The following CACNA2D3 variants were observed in gnomAD, a reference collection of about 807,000 sequenced individuals.
The protein encoded by CACNA2D3 is voltage-dependent calcium channel subunit alpha-2/delta-3.
Under a neutral mutation model 160.6 loss-of-function variants are expected in CACNA2D3, and 60 were observed. That is an observed-to-expected ratio of 0.37 (90% CI 0.30 to 0.46). The LOEUF (loss-of-function observed/expected upper bound fraction) is 0.46, where lower values mean the gene tolerates loss of function less well. Among genes scored for constraint, CACNA2D3 ranks in the 20% least tolerant of loss-of-function variants. The pLI is 1.00. For missense variants in CACNA2D3, 1,205 were observed against 1,365.0 expected (o/e 0.88, Z 1.85); for synonymous variants, 558 against 492.9 (o/e 1.13, Z -1.75).
At chr3:54,141,216 A>G (rs1244843497) in intron 2 of CACNA2D3, among the ~76,000 whole-genome samples, 1 of 151,834 alleles carries the variant, frequency 6.6e-6, no homozygotes, top group Admixed American at 6.6e-5. Flanking sequence ...ATTTGGGGGA[A>G]AAAATTCCCT....
intron 2 of CACNA2D3, among the ~76,000 whole-genome samples, chr3:54,194,703 G>T (rs747153272): frequency 6.6e-6 from 1 of 152,220 alleles, no homozygotes; most frequent in Non-Finnish European, 1.5e-5. Context: ...GTGAAGATGC[G>T]TTCCTCATAG....
chr3:54,127,102 G>A (rs2107246569), intron 2 of CACNA2D3, among the ~76,000 whole-genome samples: 1 of 152,280 alleles, frequency 6.6e-6, no homozygotes, highest in Non-Finnish European at 1.5e-5. Context: ...TAGGAGCTGG[G>A]TTTTTCATTC....
chr3:54,984,316 A>AT (rs908530511), intron 29 of CACNA2D3, among the ~76,000 whole-genome samples: 2 of 150,898 alleles, frequency 1.3e-5, no homozygotes, highest in Non-Finnish European at 2.9e-5. Flanking sequence ...AAAAAAAAAA[A>AT]GGAAGACAAA....
chr3:54,905,322 T>G (rs1018508836), intron 27 of CACNA2D3, among the ~76,000 whole-genome samples: 1 of 152,206 alleles, frequency 6.6e-6, no homozygotes, highest in African/African-American at 2.4e-5. Flanking sequence ...TTAACATCAG[T>G]GATCATTAAC....
intron 11 of CACNA2D3, among the ~76,000 whole-genome samples, chr3:54,722,787 T>G (rs1701193718): frequency 6.6e-6 from 1 of 152,162 alleles, no homozygotes; most frequent in East Asian, 1.9e-4. Context: ...GAGGGGCACC[T>G]GCCAGATGCC....
intron 11 of CACNA2D3, among the ~76,000 whole-genome samples, chr3:54,709,318 A>G (rs949325322): frequency 4.6e-5 from 7 of 150,918 alleles, no homozygotes; most frequent in Non-Finnish European, 8.8e-5. Flanking sequence ...CCCAGCCTTC[A>G]TTTTTAAACT....
intron 27 of CACNA2D3, among the ~76,000 whole-genome samples, chr3:54,932,295 A>G (rs564768413): frequency 6.6e-6 from 1 of 152,374 alleles, no homozygotes; most frequent in East Asian, 1.9e-4. Flanking sequence ...AGCATATTGT[A>G]TAATCCCATT....
intron 11 of CACNA2D3, among the ~76,000 whole-genome samples, chr3:54,729,577 A>T (rs1701345418): frequency 6.6e-6 from 1 of 152,244 alleles, no homozygotes; most frequent in African/African-American, 2.4e-5. Flanking sequence ...GAACTAGCAC[A>T]GAAATGCCAG....
intron 5 of CACNA2D3, among the ~76,000 whole-genome samples, chr3:54,548,647 T>TC (rs1326131898): frequency 2.6e-5 from 4 of 152,058 alleles, no homozygotes; most frequent in Non-Finnish European, 4.4e-5. Flanking sequence ...AAACCAAGGC[T>TC]CCCCAGCGTT....
chr3:54,487,242 C>G (rs1008721064), intron 4 of CACNA2D3, among the ~76,000 whole-genome samples: 4 of 152,052 alleles, frequency 2.6e-5, no homozygotes, highest in Non-Finnish European at 4.4e-5. Context: ...GTGGCATGCA[C>G]CTGTAGTCCC....
At chr3:54,290,933 G>A (rs1383824614) in intron 2 of CACNA2D3, among the ~76,000 whole-genome samples, 1 of 152,200 alleles carries the variant, frequency 6.6e-6, no homozygotes, top group African/African-American at 2.4e-5. Flanking sequence ...GTGAGGGATA[G>A]CATTAGGAGA....
At chr3:54,926,806 A>G (rs1701035466) in intron 27 of CACNA2D3, among the ~76,000 whole-genome samples, 1 of 152,106 alleles carries the variant, frequency 6.6e-6, no homozygotes, top group African/African-American at 2.4e-5. Flanking sequence ...GATGCTGTAA[A>G]ACAGCATCCT....
intron 18 of CACNA2D3, 197 bp from the exon 19 acceptor site, chr3:54,878,821 A>G (rs1699724662): frequency 2.4e-6 from 1 of 421,626 alleles, no homozygotes. Context: ...CCCCAAATTA[A>G]AGATGAAGGT....
At chr3:54,676,259 A>G (rs1321459780) in intron 11 of CACNA2D3, among the ~76,000 whole-genome samples, 1 of 152,204 alleles carries the variant, frequency 6.6e-6, no homozygotes, top group Non-Finnish European at 1.5e-5. Flanking sequence ...TTGAAACTGA[A>G]ATGGCAAAGT....
intron 12 of CACNA2D3, among the ~76,000 whole-genome samples, chr3:54,753,926 T>A (rs1343271387): frequency 6.6e-6 from 1 of 152,228 alleles, no homozygotes; most frequent in African/African-American, 2.4e-5. Flanking sequence ...TATAACACAT[T>A]GTTATTAACT....
intron 4 of CACNA2D3, among the ~76,000 whole-genome samples, chr3:54,469,420 G>A (rs909576921): frequency 2.0e-5 from 3 of 152,192 alleles, no homozygotes; most frequent in Non-Finnish European, 4.4e-5. Context: ...TCATCCGAAT[G>A]TCTGTCACCA....
intron 11 of CACNA2D3, among the ~76,000 whole-genome samples, chr3:54,711,624 A>G (rs1206982306): frequency 2.0e-5 from 3 of 152,256 alleles, no homozygotes; most frequent in African/African-American, 7.2e-5. Flanking sequence ...TGGGATTACC[A>G]TGATTAACAT....
intron 2 of CACNA2D3, among the ~76,000 whole-genome samples, chr3:54,277,877 T>TAAA (rs1702782963): frequency 6.6e-6 from 1 of 152,188 alleles, no homozygotes; most frequent in Non-Finnish European, 1.5e-5. Flanking sequence ...GGTGTTTTAT[T>TAAA]CTCTTTGTAG....
intron 13 of CACNA2D3, among the ~76,000 whole-genome samples, chr3:54,807,855 C>A (rs1008438635): frequency 3.3e-5 from 5 of 150,104 alleles, no homozygotes; most frequent in Non-Finnish European, 7.4e-5. Context: ...CACATATACA[C>A]CATGGAATAC....
Sources: allele counts gnomAD v4.1 joint callset (sites outside exome capture counted in the v4.1 genomes callset), GRCh38; gene constraint gnomAD v4.1.1; transcripts MANE v1.5; gene names NCBI Gene and HGNC (gene_info 2026-07-23, HGNC 2026-07-21).